The following SLIT2 variants were observed in gnomAD, a reference collection of about 807,000 sequenced individuals.
SLIT2 encodes the protein slit guidance ligand 2, also known as slit homolog 2 protein.
SLIT2 carries 41 observed loss-of-function variants against 185.7 expected under a neutral mutation model. The ratio of observed to expected loss-of-function variants is 0.22; its 90% CI spans 0.17 to 0.29. SLIT2 has a LOEUF of 0.29. SLIT2 is among the 10% of genes least tolerant of loss of function. SLIT2 has a pLI of 1.00. For missense variants in SLIT2, 1,571 were observed against 1,909.0 expected, an observed-to-expected ratio of 0.82 and a Z score of 3.30; for synonymous variants, 693 against 680.2, an observed-to-expected ratio of 1.02 and a Z score of -0.29.
intron 26 of SLIT2, chr4:20,554,348 G>A (rs1724048783): frequency 2.2e-6 from 1 of 460,630 alleles, no homozygotes; most frequent in Non-Finnish European, 4.4e-6. Flanking sequence ...CAGGTAAGGA[G>A]AAACAGGCCC....
chr4:20,573,126 G>A (rs533622452), intron 29 of SLIT2: 9 of 684,298 alleles, frequency 1.3e-5, no homozygotes, highest in African/African-American at 5.3e-5. Flanking sequence ...CAGCTTGCTC[G>A]CCCACCCCTG....
intron 4 of SLIT2, among the ~76,000 whole-genome samples, chr4:20,352,975 T>C (rs376046916): frequency 7.9e-5 from 12 of 152,260 alleles, no homozygotes; most frequent in Middle Eastern, 3.4e-3. Context: ...AAAAATAATA[T>C]AGATTACACA....
At chr4:20,435,640 A>G (rs1003430751) in intron 4 of SLIT2, among the ~76,000 whole-genome samples, 5 of 152,200 alleles carry the variant, frequency 3.3e-5, no homozygotes, top group African/African-American at 9.6e-5. Context: ...GTGCAGGCGA[A>G]GGAAATTTCA....
intron 26 of SLIT2, among the ~76,000 whole-genome samples, chr4:20,561,878 T>G (rs577738156): frequency 6.6e-6 from 1 of 151,772 alleles, no homozygotes; most frequent in Non-Finnish European, 1.5e-5. Flanking sequence ...TTTATTTTAA[T>G]AGGTAAAGAG....
chr4:20,533,036 G>A (rs776371954), intron 17 of SLIT2, among the ~76,000 whole-genome samples: 1 of 152,270 alleles, frequency 6.6e-6, no homozygotes, highest in South Asian at 2.1e-4. Context: ...CTTCTGGCAA[G>A]CATTGTAGTA....
intron 4 of SLIT2, among the ~76,000 whole-genome samples, chr4:20,413,906 T>C (rs1727454685): frequency 6.6e-6 from 1 of 152,112 alleles, no homozygotes; most frequent in Non-Finnish European, 1.5e-5. Context: ...TTAATTCATG[T>C]ACTTTACTTA....
chr4:20,553,659 A>G (rs1723975337), intron 25 of SLIT2, 146 bp from the exon 26 acceptor site: 1 of 741,996 alleles, frequency 1.3e-6, no homozygotes, highest in Admixed American at 4.0e-5. Context: ...TGTTATCCTC[A>G]ATAAATCTAT....
chr4:20,529,183 T>C (rs1006594319), intron 16 of SLIT2, 84 bp downstream of exon 16: 2 of 1,014,964 alleles, frequency 2.0e-6, no homozygotes, highest in Admixed American at 5.1e-5. Context: ...TTGCCATTTT[T>C]ATTATTAATA....
At chr4:20,602,648 T>C (rs764638093) in intron 33 of SLIT2, among the ~76,000 whole-genome samples, 6 of 152,176 alleles carry the variant, frequency 3.9e-5, no homozygotes, top group Non-Finnish European at 7.3e-5. Flanking sequence ...TTTTAACAAG[T>C]TTCCAGGAGA....
chr4:20,383,753 A>C (rs2109348317), intron 4 of SLIT2, among the ~76,000 whole-genome samples: 1 of 152,214 alleles, frequency 6.6e-6, no homozygotes, highest in African/African-American at 2.4e-5. Context: ...CCCAGGCTGG[A>C]GTACAGTGGC....
chr4:20,444,269 G>A (rs183528831), intron 4 of SLIT2, among the ~76,000 whole-genome samples: 54 of 152,208 alleles, frequency 3.5e-4, no homozygotes, highest in Admixed American at 1.7e-3. Flanking sequence ...AAATGGAAAC[G>A]GATAAAAATA....
Position 20,347,062 on chromosome 4 carries a change from G to A in SLIT2, c.395+78181G>A, listed in dbSNP as rs149883903. On this transcript the variant is annotated intron_variant, in intron 4 of 36. Coordinates refer to ENST00000504154, the MANE Select transcript of SLIT2 (RefSeq NM_004787.4). ...TTCATTATGATGAAGTTGACACTCC[G>A]TATTAACCATCACAGATGATACCAA... Among the ~76,000 whole-genome samples, 846 of 152,272 alleles carry A rather than the reference G, an allele frequency of 5.6e-3. 4 individuals carry two copies. Among genetic ancestry groups the A allele is most frequent in the African/African-American group, 0.019 (787 of 41,534 alleles).
At chr4:20,466,113 C>G (rs1240577484) in intron 4 of SLIT2, among the ~76,000 whole-genome samples, 1 of 152,070 alleles carries the variant, frequency 6.6e-6, no homozygotes, top group East Asian at 1.9e-4. Context: ...TTTTCCTCCT[C>G]ATTTCTTATT....
intron 9 of SLIT2, among the ~76,000 whole-genome samples, chr4:20,497,705 C>A (rs1179705194): frequency 6.6e-6 from 1 of 152,134 alleles, no homozygotes; most frequent in Non-Finnish European, 1.5e-5. Flanking sequence ...ATGAAAAACT[C>A]TCCTATTAAA....
chr4:20,362,626 A>G lies in SLIT2; in HGVS notation c.395+93745A>G, dbSNP rs546099170. Reference sequence around the variant, plus strand: ...ATTCTGTGCTGTTTTACTTTTTTGTATTTTTTAAAATAACGTGTATCTTCT... The same window carrying G: ...ATTCTGTGCTGTTTTACTTTTTTGTGTTTTTTAAAATAACGTGTATCTTCT... On this transcript the variant is annotated intron_variant, in intron 4 of 36. Transcript: ENST00000504154. 5.4e-4 allele frequency among the ~76,000 whole-genome samples: 82 copies of G among 151,650 alleles called. No homozygotes were observed. In the South Asian group the frequency reaches 0.014, roughly 26 times the overall value.
chr4:20,483,063 G>T (rs1167012598), intron 6 of SLIT2, among the ~76,000 whole-genome samples: 1 of 151,898 alleles, frequency 6.6e-6, no homozygotes, highest in Non-Finnish European at 1.5e-5. Flanking sequence ...TACCATTCGT[G>T]ACTCTTTAGG....
intron 9 of SLIT2, among the ~76,000 whole-genome samples, chr4:20,493,644 T>G (rs1314087386): frequency 1.3e-5 from 2 of 152,182 alleles, no homozygotes; most frequent in African/African-American, 4.8e-5. Flanking sequence ...TACCTATCAT[T>G]TACTATTTGT....
intron 4 of SLIT2, among the ~76,000 whole-genome samples, chr4:20,302,474 G>C (rs1474494203): frequency 2.6e-5 from 4 of 152,144 alleles, no homozygotes; most frequent in Non-Finnish European, 4.4e-5. Flanking sequence ...CTATGGGGGG[G>C]ATGGAAGGAC....
intron 19 of SLIT2, among the ~76,000 whole-genome samples, chr4:20,540,062 T>C (rs894393647): frequency 3.0e-5 from 1 of 33,374 alleles, no homozygotes; most frequent in Non-Finnish European, 4.8e-5. Context: ...GGCGGATTAC[T>C]TGATCAAGGT....
Sources: allele counts gnomAD v4.1 joint callset (sites outside exome capture counted in the v4.1 genomes callset), GRCh38; gene constraint gnomAD v4.1.1; transcripts MANE v1.5; gene names NCBI Gene and HGNC (gene_info 2026-07-23, HGNC 2026-07-21).